The following CPVL variants were observed in gnomAD, a reference collection of about 807,000 sequenced individuals.
The protein encoded by CPVL is carboxypeptidase vitellogenic like.
Under a neutral mutation model 63.7 loss-of-function variants are expected in CPVL, and 51 were observed. The ratio of observed to expected loss-of-function variants is 0.80; its 90% CI spans 0.64 to 1.01. The LOEUF is 1.01. CPVL is among the 50% of genes least tolerant of loss of function. The pLI is 0.00. For synonymous variants in CPVL, 195 were observed against 206.0 expected, an observed-to-expected ratio of 0.95 and a Z score of 0.46; for missense variants, 530 against 573.1, an observed-to-expected ratio of 0.92 and a Z score of 0.77.
At chr7:29,121,139 A>C in intron 1 of CPVL, 68 bp from the exon 2 acceptor site, 1 of 1,390,922 alleles carries the variant, frequency 7.2e-7, no homozygotes, top group Non-Finnish European at 9.6e-7. Flanking sequence ...TTTTACATGC[A>C]AGAAATTCAT....
chr7:29,112,605 AT>A (rs1002263487), intron 3 of CPVL, 98 bp downstream of exon 3: 272 of 722,020 alleles, frequency 3.8e-4, no homozygotes, highest in Middle Eastern at 8.6e-4. Context: ...AATCTATGAG[AT>A]TTTTTTTTAA....
intron 2 of CPVL, among the ~76,000 whole-genome samples, chr7:29,116,921 T>G (rs559055664): frequency 1.3e-5 from 2 of 152,320 alleles, no homozygotes; most frequent in South Asian, 2.1e-4. Context: ...ATTGCAATAA[T>G]AAGACTCACG....
At chr7:29,155,039 A>G (rs1257407537) in intron 5 of CPVL, among the ~76,000 whole-genome samples, 2 of 152,014 alleles carry the variant, frequency 1.3e-5, no homozygotes, top group Non-Finnish European at 2.9e-5. Flanking sequence ...CCTCTTTAAA[A>G]CCATCAGATC....
intron 3 of CPVL, among the ~76,000 whole-genome samples, chr7:29,096,658 A>G (rs956408502): frequency 6.6e-6 from 1 of 152,176 alleles, no homozygotes; most frequent in Non-Finnish European, 1.5e-5. Flanking sequence ...CTGCACTGAG[A>G]GCCCAAACGC....
intron 1 of CPVL, among the ~76,000 whole-genome samples, chr7:29,138,824 G>C (rs949048283): frequency 4.6e-5 from 7 of 152,114 alleles, no homozygotes; most frequent in Admixed American, 1.3e-4. Flanking sequence ...GAGCTGCCAC[G>C]GGCACTTGGC....
intron 1 of CPVL, among the ~76,000 whole-genome samples, chr7:29,138,818 T>G (rs764097397): frequency 6.6e-6 from 1 of 152,208 alleles, no homozygotes; most frequent in Admixed American, 6.5e-5. Context: ...GTTCCTGAGC[T>G]GCCACGGGCA....
intron 3 of CPVL, 122 bp from the exon 4 acceptor site, chr7:29,096,339 C>T: frequency 7.0e-6 from 5 of 715,754 alleles, no homozygotes; most frequent in Non-Finnish European, 1.2e-5. Context: ...CCTACAAAAC[C>T]TCCCCAGACC....
At chr7:29,120,463 A>T (rs1230716074) in intron 2 of CPVL, among the ~76,000 whole-genome samples, 1 of 151,960 alleles carries the variant, frequency 6.6e-6, no homozygotes, top group East Asian at 1.9e-4. Context: ...ATATATATAT[A>T]TTTGAAATAA....
intron 3 of CPVL, among the ~76,000 whole-genome samples, chr7:29,099,347 T>C (rs1373866145): frequency 1.3e-5 from 2 of 152,224 alleles, no homozygotes; most frequent in African/African-American, 4.8e-5. Context: ...TCAGTTTTAC[T>C]AGTTATTCCC....
chr7:29,164,309 A>C (rs1197574694), intron 5 of CPVL, among the ~76,000 whole-genome samples: 3 of 152,026 alleles, frequency 2.0e-5, no homozygotes, highest in African/African-American at 7.2e-5. Context: ...TAAAATGTCT[A>C]TTTGATTTTT....
intron 3 of CPVL, among the ~76,000 whole-genome samples, chr7:29,098,602 T>C (rs1161985758): frequency 6.6e-6 from 1 of 152,236 alleles, no homozygotes; most frequent in Non-Finnish European, 1.5e-5. Flanking sequence ...AGGCCTCTGA[T>C]GAGCAGCCTG....
chr7:29,034,098 C>CA (rs1788285746), intron 11 of CPVL, among the ~76,000 whole-genome samples: 1 of 152,026 alleles, frequency 6.6e-6, no homozygotes, highest in African/African-American at 2.4e-5. Flanking sequence ...AATGTGGTTA[C>CA]AATCCTTTTT....
chr7:29,044,684 T>C (rs967160924), intron 11 of CPVL, among the ~76,000 whole-genome samples: 9 of 152,318 alleles, frequency 5.9e-5, no homozygotes, highest in African/African-American at 2.2e-4. Flanking sequence ...ATACTACTAA[T>C]TGTATCCAGA....
At chr7:29,096,495 G>C in intron 3 of CPVL, 2 of 484,236 alleles carry the variant, frequency 4.1e-6, no homozygotes, top group Non-Finnish European at 7.4e-6. Context: ...GTAGATGCTT[G>C]GCTTGTGCAT....
At chr7:29,104,831 T>A (rs977441782) in intron 3 of CPVL, among the ~76,000 whole-genome samples, 24 of 152,208 alleles carry the variant, frequency 1.6e-4, no homozygotes, top group Non-Finnish European at 3.4e-4. Context: ...TTTCCCTTCT[T>A]GATGCAAAAG....
chr7:29,193,504 C>G (rs1440337580), intron 1 of CPVL: 1 of 152,148 alleles, frequency 6.6e-6, no homozygotes, highest in Non-Finnish European at 1.5e-5. Flanking sequence ...TACTTTCATT[C>G]CTTTAATGTT....
intron 12 of CPVL, among the ~76,000 whole-genome samples, chr7:29,006,202 G>A (rs141403848): frequency 4.5e-4 from 68 of 152,282 alleles, no homozygotes; most frequent in African/African-American, 1.4e-3. Context: ...AATTGGCTGC[G>A]TGAGAGTATT....
intron 5 of CPVL, among the ~76,000 whole-genome samples, chr7:29,171,356 G>A (rs1742443714): frequency 6.6e-6 from 1 of 152,170 alleles, no homozygotes; most frequent in African/African-American, 2.4e-5. Flanking sequence ...ATTCTGTGGG[G>A]ATACAAACCA....
intron 1 of CPVL, among the ~76,000 whole-genome samples, chr7:29,125,560 T>G (rs1789924312): frequency 6.6e-6 from 1 of 152,050 alleles, no homozygotes. Flanking sequence ...ACCTAGCTAA[T>G]TTTTGTATTT....
Sources: gnomAD v4.1 joint callset for allele counts (sites outside exome capture counted in the v4.1 genomes callset) on GRCh38, gnomAD v4.1.1 for gene constraint, MANE v1.5 for transcripts, NCBI Gene and HGNC (gene_info 2026-07-23, HGNC 2026-07-21) for gene names.